Variants in HMGB1 observed in about 807,000 individuals in gnomAD.
The protein encoded by HMGB1 is high mobility group protein B1.
For missense variants in HMGB1, 79 were observed against 253.5 expected, an observed-to-expected ratio of 0.31 and a Z score of 4.67; for synonymous variants, 81 against 84.0, an observed-to-expected ratio of 0.96 and a Z score of 0.19.
chr13:30,538,711 CT>C (rs1566019274), intron 1 of HMGB1, among the ~76,000 whole-genome samples: 12 of 79,274 alleles, frequency 1.5e-4, no homozygotes, highest in African/African-American at 5.6e-4. Context: ...CTTTTTCTTT[CT>C]TTCTTCTTTT....
chr13:30,526,047 C>A (rs549375370), intron 1 of HMGB1, among the ~76,000 whole-genome samples: 1 of 152,252 alleles, frequency 6.6e-6, no homozygotes, highest in East Asian at 1.9e-4. Flanking sequence ...AAATAACCCA[C>A]ATCTAACAAC....
intron 1 of HMGB1, among the ~76,000 whole-genome samples, chr13:30,497,776 G>A (rs1887643510): frequency 1.3e-5 from 2 of 152,088 alleles, no homozygotes; most frequent in Non-Finnish European, 1.5e-5. Flanking sequence ...TGCTGCAAAG[G>A]ATATGATCTT....
chr13:30,519,053 A>G (rs569946558), intron 1 of HMGB1, among the ~76,000 whole-genome samples: 49 of 152,142 alleles, frequency 3.2e-4, no homozygotes, highest in African/African-American at 1.2e-3. Context: ...CAGTCCTGGA[A>G]TAAGTGTCAA....
At chr13:30,520,391 G>A (rs1189134729) in intron 1 of HMGB1, among the ~76,000 whole-genome samples, 2 of 149,244 alleles carry the variant, frequency 1.3e-5, no homozygotes, top group African/African-American at 2.5e-5. Context: ...AGGCCGAGGC[G>A]GGCGGCTCAC....
chr13:30,611,851 TAA>T (rs60637307), intron 1 of HMGB1, among the ~76,000 whole-genome samples: 20 of 120,482 alleles, frequency 1.7e-4, no homozygotes, highest in Admixed American at 2.5e-4. Flanking sequence ...ACAGTAAATG[TAA>T]AAAAAAAAAA....
intron 1 of HMGB1, among the ~76,000 whole-genome samples, chr13:30,506,532 C>T (rs966860656): frequency 2.0e-5 from 3 of 152,116 alleles, no homozygotes; most frequent in Admixed American, 6.5e-5. Flanking sequence ...ACACGAAGAC[C>T]GGTCCTTGTT....
At chr13:30,590,461 G>A (rs546114782) in intron 1 of HMGB1, among the ~76,000 whole-genome samples, 4 of 152,078 alleles carry the variant, frequency 2.6e-5, no homozygotes, top group South Asian at 2.1e-4. Context: ...TGGCCTCCCC[G>A]CAAAGTGCTG....
At chr13:30,493,502 T>C (rs1375599898) in intron 1 of HMGB1, among the ~76,000 whole-genome samples, 5 of 152,016 alleles carry the variant, frequency 3.3e-5, no homozygotes, top group Non-Finnish European at 5.9e-5. Context: ...CACAGATGTG[T>C]GCATTGAACT....
At chr13:30,496,923 C>A (rs1887621037) in intron 1 of HMGB1, among the ~76,000 whole-genome samples, 1 of 152,128 alleles carries the variant, frequency 6.6e-6, no homozygotes, top group African/African-American at 2.4e-5. Context: ...CCCGTCATGC[C>A]CGGAGCCTCA....
At chr13:30,476,118 CTTTTTTTTTT>C (rs71093065) in intron 1 of HMGB1, among the ~76,000 whole-genome samples, 1 of 109,496 alleles carries the variant, frequency 9.1e-6, no homozygotes, top group Admixed American at 9.8e-5. Flanking sequence ...GTGGCATGTA[CTTTTTTTTTT>C]TTTTTTTTTT....
chr13:30,547,624 A>AT (rs59336080), intron 1 of HMGB1, among the ~76,000 whole-genome samples: 2,041 of 146,898 alleles, frequency 0.014, 21 homozygotes, highest in South Asian at 0.027. Context: ...AGGACTTTAG[A>AT]TTTTTTTTTT....
chr13:30,494,919 T>C (rs1887577473), intron 1 of HMGB1, among the ~76,000 whole-genome samples: 1 of 152,232 alleles, frequency 6.6e-6, no homozygotes, highest in East Asian at 1.9e-4. Context: ...AGAGAAATCA[T>C]GCAGTATTTG....
chr13:30,497,790 C>T (rs1291474053), intron 1 of HMGB1, among the ~76,000 whole-genome samples: 1 of 152,096 alleles, frequency 6.6e-6, no homozygotes, highest in African/African-American at 2.4e-5. Context: ...TGATCTTATT[C>T]TTTTTTATGG....
At chr13:30,608,147 G>A (rs985504887) in intron 1 of HMGB1, among the ~76,000 whole-genome samples, 4 of 152,084 alleles carry the variant, frequency 2.6e-5, no homozygotes, top group Admixed American at 6.5e-5. Flanking sequence ...AGACACTCAA[G>A]CAGCCTTTAG....
At chr13:30,549,382 A>G (rs1335505258) in intron 1 of HMGB1, among the ~76,000 whole-genome samples, 1 of 152,218 alleles carries the variant, frequency 6.6e-6, no homozygotes, top group Non-Finnish European at 1.5e-5. Flanking sequence ...TATCACTCTT[A>G]CAGTAATAGT....
chr13:30,525,756 G>T (rs1343365845), intron 1 of HMGB1, among the ~76,000 whole-genome samples: 2 of 151,300 alleles, frequency 1.3e-5, no homozygotes, highest in Admixed American at 6.6e-5. Flanking sequence ...GAACTCACTC[G>T]CTACCATAAG....
intron 1 of HMGB1, among the ~76,000 whole-genome samples, chr13:30,503,848 G>A (rs1887793630): frequency 1.3e-5 from 2 of 152,016 alleles, no homozygotes; most frequent in South Asian, 4.1e-4. Context: ...CTTGAGCCCA[G>A]GAGTTTAAGG....
chr13:30,538,497 T>TCTTTTTCTTTCTTTCTTTCTTTCTTTC (rs1868587263), intron 1 of HMGB1, among the ~76,000 whole-genome samples: 1 of 46,880 alleles, frequency 2.1e-5, no homozygotes, highest in African/African-American at 8.0e-5. Context: ...TTTCTTTCTT[T>TCTTTTTCTTTCTTTCTTTCTTTCTTTC]CTTTCTTTCT....
chr13:30,574,654 T>C (rs568948209), intron 1 of HMGB1, among the ~76,000 whole-genome samples: 3 of 152,310 alleles, frequency 2.0e-5, no homozygotes, highest in African/African-American at 7.2e-5. Flanking sequence ...GAATTATGGA[T>C]CCAACTTTTC....
Sources: gnomAD v4.1 joint callset for allele counts (sites outside exome capture counted in the v4.1 genomes callset) on GRCh38, gnomAD v4.1.1 for gene constraint, MANE v1.5 for transcripts, NCBI Gene and HGNC (gene_info 2026-07-23, HGNC 2026-07-21) for gene names.